The following ATG2B variants were observed in gnomAD, a reference collection of about 807,000 sequenced individuals.
The protein encoded by ATG2B is autophagy related 2B, also known as autophagy-related protein 2 homolog B.
In ATG2B, 121 loss-of-function variants were observed where a neutral mutation model predicts 241.3. That is an observed-to-expected ratio of 0.50 (90% CI 0.43 to 0.58). The LOEUF (loss-of-function observed/expected upper bound fraction) is 0.58. ATG2B is among the 20% of genes least tolerant of loss of function. The pLI is 0.00. For missense variants in ATG2B, 2,306 were observed against 2,491.6 expected (o/e 0.93, Z 1.59); for synonymous variants, 858 against 876.6 (o/e 0.98, Z 0.37).
chr14:96,347,223 T>G lies in ATG2B; in HGVS notation c.281A>C (p.Glu94Ala). 6.2e-7 allele frequency: 1 copy of G among 1,608,076 alleles called. No individual in the cohort carries two copies. Among genetic ancestry groups the G allele is most frequent in the Non-Finnish European group, 8.5e-7 (1 of 1,175,384 alleles). Residue 94 changes from glutamate (E) to alanine (A), a missense_variant, in exon 2 of 42, where the codon GAA becomes GCA. By Grantham distance (107) the Glu-to-Ala change is moderately radical (BLOSUM62 -1). This residue lies in a region of ATG2B where 1,927 missense variants were observed against 2,011.2 expected (regional missense o/e 0.96). Transcript: ENST00000359933. ...GSLLQDNCALEVRGLEMVFRP... is the reference protein window; with the variant it reads ...GSLLQDNCALAVRGLEMVFRP... ...GAAGACCATTTCTAATCCTCTCACT[T>G]CCAGTGCACAATTATCCTGCAGTAA...
intron 1 of ATG2B, among the ~76,000 whole-genome samples, chr14:96,349,318 A>G (rs147995027): frequency 1.3e-5 from 2 of 152,372 alleles, no homozygotes; most frequent in African/African-American, 4.8e-5. Context: ...CTATGTAGAT[A>G]AAGAGGAGTA....
At chr14:96,338,649 C>A (rs1333333798) in intron 6 of ATG2B, among the ~76,000 whole-genome samples, 5 of 151,834 alleles carry the variant, frequency 3.3e-5, no homozygotes, top group Non-Finnish European at 7.4e-5. Context: ...TCAAGATGGA[C>A]CAAAGATGTA....
At chr14:96,298,006 G>C (rs146971485) in intron 34 of ATG2B, among the ~76,000 whole-genome samples, 1 of 152,020 alleles carries the variant, frequency 6.6e-6, no homozygotes, top group Non-Finnish European at 1.5e-5. Flanking sequence ...TGTTGCCCAG[G>C]CTGATCTTGA....
intron 8 of ATG2B, among the ~76,000 whole-genome samples, chr14:96,333,222 G>C (rs549491761): frequency 2.6e-4 from 39 of 152,122 alleles, no homozygotes; most frequent in African/African-American, 9.2e-4. Flanking sequence ...TATACATTGT[G>C]AAACACCTAT....
Position 96,331,646 on chromosome 14 carries a change from C to G in ATG2B, c.1469-9G>C, listed in dbSNP as rs1298694260. ...AGATCTAGATGGGAGAGCTAAAATA[C>G]AAGTATTAAAATTATATACATAAAA... On this transcript the variant is annotated splice_polypyrimidine_tract_variant and intron_variant, in intron 10 of 41. Transcript: ENST00000359933. The G allele has an allele frequency of 6.4e-7, 1 of 1,572,272 alleles. No individual in the cohort carries two copies. Among genetic ancestry groups the G allele is most frequent in the Non-Finnish European group, 8.6e-7 (1 of 1,163,146 alleles).
Position 96,302,089 on chromosome 14 carries a change from T to C in ATG2B, c.5057A>G (p.His1686Arg). Reference sequence around the variant, plus strand: ...GGACCTGCCAGATTCTGGACACACGTGTAAGGCTTTCACTGTCAACTACAA... The same window carrying C: ...GGACCTGCCAGATTCTGGACACACGCGTAAGGCTTTCACTGTCAACTACAA... The part of the protein sequence containing the change: ...HSNMLTVKAL[H>R]VCPESGRSPQ... Residue 1686 changes from histidine (H) to arginine (R), a missense_variant, in exon 34 of 42, where the codon CAC (histidine) becomes CGC (arginine). His to Arg is a conservative substitution (Grantham distance 29). This residue lies in a region of ATG2B where 1,927 missense variants were observed against 2,011.2 expected (regional missense o/e 0.96). Transcript: ENST00000359933. The C allele has an allele frequency of 6.2e-7, 1 of 1,613,526 alleles. No homozygotes were observed. Among genetic ancestry groups the C allele is most frequent in the Non-Finnish European group, 8.5e-7 (1 of 1,179,558 alleles).
At chr14:96,309,330 T>G (rs1214377731) in intron 29 of ATG2B, 123 bp downstream of exon 29, 37 of 1,219,400 alleles carry the variant, frequency 3.0e-5, no homozygotes, top group Non-Finnish European at 4.1e-5. Context: ...GCTGAATGAT[T>G]AACAGATATC....
chr14:96,290,153 C>T lies in ATG2B; in HGVS notation c.5856+283G>A, dbSNP rs1004462989. On this transcript the variant is annotated intron_variant, in intron 40 of 41. Transcript: ENST00000359933. This position sits in a 1 kb window ranked among gnomAD's most constrained non-coding sequence, Gnocchi z 4.4. Reference sequence around the variant, plus strand: ...ACAACGCCTTCTTCAAATTTAGCTACGATCCTTTCATACAAATATGGTGAA... The same window carrying T: ...ACAACGCCTTCTTCAAATTTAGCTATGATCCTTTCATACAAATATGGTGAA... The T allele has an allele frequency of 1.6e-4, 200 of 1,251,150 alleles. No homozygotes were observed. Among genetic ancestry groups the T allele is most frequent in the East Asian group, 7.7e-4 (21 of 27,110 alleles). 77.5% of individuals were successfully genotyped at this position (1,251,150 alleles called of 1,614,324 possible).
intron 11 of ATG2B, 68 bp from the exon 12 acceptor site, chr14:96,329,702 C>T: frequency 1.0e-6 from 1 of 1,000,462 alleles, no homozygotes; most frequent in Non-Finnish European, 1.5e-6. Flanking sequence ...CCTAGTCTGA[C>T]AAGTTCAAGT....
In ATG2B at chr14:96,315,414, T is replaced by C. The variant is rs1887280848; in HGVS notation, c.3531A>G (p.Ile1177Met). 1 of 1,614,160 alleles carries C rather than the reference T, an allele frequency of 6.2e-7. No individual in the cohort carries two copies. The highest frequency in any genetic ancestry group is 1.1e-5 in the South Asian group (1 of 91,090). The change falls in exon 22 of 42, where the codon ATA becomes ATG. Residue 1177 changes from isoleucine (I) to methionine (M), a missense_variant. Coordinates refer to ENST00000359933, the MANE Select transcript of ATG2B (RefSeq NM_018036.7). Reference sequence around the variant, plus strand: ...TATTGGACTCTGATTTATCAGACAATATTTTAACGGCAACAGACAGCATAT... The same window carrying C: ...TATTGGACTCTGATTTATCAGACAACATTTTAACGGCAACAGACAGCATAT... ...SLNMLSVAVKILSDKSESNTK... is the reference protein window; with the variant it reads ...SLNMLSVAVKMLSDKSESNTK...
rs1373496391 is a variant in ATG2B, at chr14:96,310,133, C to T, written c.4162-539G>A. ...AACTGTAGATTCATTAAACCCAGATCGTGCTTTTTATATGTGAGCATGACT... is the reference window on the plus strand; with the variant it reads ...AACTGTAGATTCATTAAACCCAGATTGTGCTTTTTATATGTGAGCATGACT... On this transcript the variant is annotated intron_variant, in intron 28 of 41. Transcript: ENST00000359933. Among the ~76,000 whole-genome samples the T allele has an allele frequency of 2.6e-5, 4 of 152,088 alleles. No individual in the cohort carries two copies. In the South Asian group the frequency reaches 6.2e-4, roughly 24 times the overall value.
intron 23 of ATG2B, among the ~76,000 whole-genome samples, chr14:96,313,865 G>T (rs990955043): frequency 6.6e-6 from 1 of 152,050 alleles, no homozygotes; most frequent in African/African-American, 2.4e-5. Context: ...TTTTGGCTTG[G>T]AACAATTCTC....
intron 5 of ATG2B, among the ~76,000 whole-genome samples, chr14:96,342,793 C>A (rs1308496177): frequency 8.6e-5 from 13 of 151,364 alleles, no homozygotes; most frequent in African/African-American, 2.9e-4. Flanking sequence ...CCCAAGATAC[C>A]TCATTATGTC....
At chr14:96,341,110 A>C (rs1888023148) in intron 6 of ATG2B, among the ~76,000 whole-genome samples, 1 of 152,158 alleles carries the variant, frequency 6.6e-6, no homozygotes, top group South Asian at 2.1e-4. Context: ...TATAATTATA[A>C]AAACATCTTC....
At chr14:96,288,555 A>G (rs548200194) in intron 41 of ATG2B, among the ~76,000 whole-genome samples, 1 of 151,970 alleles carries the variant, frequency 6.6e-6, no homozygotes, top group Non-Finnish European at 1.5e-5. Context: ...TCTTACCTTT[A>G]TTTATCCACT....
At chr14:96,341,461 G>A in intron 6 of ATG2B, 61 bp downstream of exon 6, 1 of 1,330,294 alleles carries the variant, frequency 7.5e-7, no homozygotes, top group Non-Finnish European at 1.0e-6. Context: ...TCACTGCATA[G>A]AATAAAGAAT....
chr14:96,309,280 G>C (rs1336461612), intron 29 of ATG2B, among the ~76,000 whole-genome samples, 173 bp downstream of exon 29: 2 of 152,118 alleles, frequency 1.3e-5, no homozygotes, highest in South Asian at 2.1e-4. Context: ...ACACCAGCCT[G>C]GCCAGAGTTA....
chr14:96,326,727 T>C (rs143860293), intron 14 of ATG2B, among the ~76,000 whole-genome samples: 144 of 152,314 alleles, frequency 9.5e-4, no homozygotes, highest in African/African-American at 3.3e-3. Flanking sequence ...ACTTACAATT[T>C]TTGTGTTTGT....
intron 18 of ATG2B, 58 bp from the exon 19 acceptor site, chr14:96,317,913 C>A: frequency 4.8e-6 from 6 of 1,237,396 alleles, no homozygotes; most frequent in Admixed American, 2.6e-5. Flanking sequence ...AGAAGGCAAA[C>A]TTAAAAAAAA....
Sources: allele counts gnomAD v4.1 joint callset (sites outside exome capture counted in the v4.1 genomes callset), GRCh38; gene constraint gnomAD v4.1.1; regional missense constraint gnomAD v4.1.1; non-coding constraint Gnocchi (gnomAD v3.1); transcripts MANE v1.5; gene names NCBI Gene and HGNC (gene_info 2026-07-23, HGNC 2026-07-21).